CTNS: variants seen among roughly 807,000 people sequenced by gnomAD.
The protein encoded by CTNS is cystinosin.
In CTNS, 27 loss-of-function variants were observed where a neutral mutation model predicts 43.7. The ratio of observed to expected loss-of-function variants is 0.62; its 90% CI spans 0.46 to 0.85. The LOEUF (loss-of-function observed/expected upper bound fraction) is 0.85, where lower values mean the gene tolerates loss of function less well. CTNS is among the 40% of genes least tolerant of loss of function. The probability of loss-of-function intolerance (pLI) is 0.00; values close to 1 mark genes in which losing one functional copy is unlikely to be tolerated. For synonymous variants in CTNS, 187 were observed against 190.6 expected (o/e 0.98, Z 0.16); for missense variants, 457 against 475.4 (o/e 0.96, Z 0.36).
intron 3 of CTNS, among the ~76,000 whole-genome samples, chr17:3,641,454 C>G (rs1423556444): frequency 8.0e-6 from 1 of 125,322 alleles, no homozygotes; most frequent in Admixed American, 1.0e-4. Flanking sequence ...TGCAGTGGCA[C>G]GATCTCAGCC....
In CTNS at chr17:3,660,263, CA is replaced by C. The variant is rs2142982656; in HGVS notation, c.1000del (p.Thr334ProfsTer33). On this transcript the variant is annotated frameshift_variant, in exon 12 of 12. Transcript: ENST00000046640. LOFTEE classifies it high-confidence loss of function. The stretch of plus-strand genomic sequence containing the variant: ...CAGTGGACGCTGATCTTCGGAGACC[CA>C]ACCAAGTTTGGACTCGGGGTCTTCT... Reference protein sequence around the residue: ...NDQWTLIFGDPTKFGLGVFSI... With the variant: ...NDQWTLIFGDXTKFGLGVFSI... 6.2e-7 allele frequency: 1 copy of C among 1,614,270 alleles called. No individual in the cohort carries two copies. Among genetic ancestry groups the C allele is most frequent in the South Asian group, 1.1e-5 (1 of 91,088 alleles).
chr17:3,652,320 G>A (rs1348460941), intron 5 of CTNS, among the ~76,000 whole-genome samples: 7 of 152,146 alleles, frequency 4.6e-5, no homozygotes, highest in Admixed American at 1.3e-4. Flanking sequence ...GACTGGGCAC[G>A]GTGGCTCATG....
intron 5 of CTNS, among the ~76,000 whole-genome samples, chr17:3,652,218 C>T (rs966300419): frequency 6.6e-6 from 1 of 152,176 alleles, no homozygotes; most frequent in Non-Finnish European, 1.5e-5. Flanking sequence ...AATATAGCAC[C>T]GTCTCCTTAT....
rs2075878675 is a variant in CTNS, at chr17:3,647,746, AG to A, written c.140+228del. 3 of 607,898 alleles carry A rather than the reference AG, an allele frequency of 4.9e-6. No homozygotes were observed. The East Asian group carries it at 8.4e-5, about 17-fold the overall frequency. 37.7% of individuals were successfully genotyped at this position (607,898 alleles called of 1,614,324 possible). On this transcript the variant is annotated intron_variant, in intron 4 of 11. Coordinates refer to ENST00000046640, the MANE Select transcript of CTNS (RefSeq NM_004937.3). The stretch of plus-strand genomic sequence containing the variant: ...CTCACTTTCCCTGGCAGGAGAAGGA[AG>A]GGGTGCTTCTCCCAGAGACGTGCGT...
intron 4 of CTNS, among the ~76,000 whole-genome samples, chr17:3,648,593 A>C (rs1597623200): frequency 6.6e-6 from 1 of 152,122 alleles, no homozygotes; most frequent in Non-Finnish European, 1.5e-5. Context: ...CAGATGCCTC[A>C]TTTGTCATTC....
upstream of CTNS, chr17:3,636,706 C>G (rs965934495): frequency 6.4e-6 from 1 of 155,482 alleles, no homozygotes; most frequent in African/African-American, 2.4e-5. Flanking sequence ...TGGCGGAGGT[C>G]AGGTGACAGC....
rs1231310557 is a variant in CTNS, at chr17:3,662,148, T to TA, written c.*1782dup. Among the ~76,000 whole-genome samples, 1 of 152,066 alleles carries TA rather than the reference T, an allele frequency of 6.6e-6. No homozygotes were observed. Among genetic ancestry groups the TA allele is most frequent in the African/African-American group, 2.4e-5 (1 of 41,406 alleles). On this transcript the variant is annotated 3_prime_UTR_variant, in exon 12 of 12. Coordinates refer to ENST00000046640, the MANE Select transcript of CTNS (RefSeq NM_004937.3). ...CAACATTGCAAAACCCCATCTCTACTAAAGATACAAAAATTAGCTGGGCAT... is the reference window on the plus strand; with the variant it reads ...CAACATTGCAAAACCCCATCTCTACTAAAAGATACAAAAATTAGCTGGGCAT...
chr17:3,654,680 C>CAA (rs560988939), intron 5 of CTNS, among the ~76,000 whole-genome samples: 56 of 82,458 alleles, frequency 6.8e-4, no homozygotes, highest in Admixed American at 3.0e-3. Context: ...GACTCCGTCT[C>CAA]AAAAAAAAAA....
rs561967545 is a variant in CTNS, at chr17:3,662,466, C to T, written c.*2097C>T. 5.3e-5 allele frequency among the ~76,000 whole-genome samples: 8 copies of T among 152,164 alleles called. No homozygotes were observed. The highest frequency in any genetic ancestry group is 1.0e-4 in the Non-Finnish European group (7 of 68,034). ...GGCCAGATCACGGCCCCCAGCAACA[C>T]GTGGGGTTGTGTCCCTCGCTGGGAT... On this transcript the variant is annotated 3_prime_UTR_variant, in exon 12 of 12. Transcript: ENST00000046640.
rs576881909 is a variant in CTNS, at chr17:3,662,404, C to T, written c.*2035C>T. 5.3e-5 allele frequency among the ~76,000 whole-genome samples: 8 copies of T among 152,114 alleles called. No homozygotes were observed. Among genetic ancestry groups the T allele is most frequent in the Non-Finnish European group, 8.8e-5 (6 of 68,026 alleles). On this transcript the variant is annotated 3_prime_UTR_variant, in exon 12 of 12. Coordinates refer to ENST00000046640, the MANE Select transcript of CTNS (RefSeq NM_004937.3). ...TGCTAACACCTTCCCAGAGGTGGTA[C>T]GCAGGTAGTCAGGTGCTCTCTGACT...
In CTNS at chr17:3,648,505, C is replaced by T. The variant is rs148485655; in HGVS notation, c.141-342C>T. Among the ~76,000 whole-genome samples the T allele has an allele frequency of 2.6e-4, 40 of 152,356 alleles. 1 individual carries two copies. In the East Asian group the frequency reaches 7.7e-3, roughly 29 times the overall value. ...CTCCTCCTTCAGTCAAATGCTGGCC[C>T]TCACACAAGGCCCCACTCAGACCCG... On this transcript the variant is annotated intron_variant, in intron 4 of 11. Coordinates refer to ENST00000046640, the MANE Select transcript of CTNS (RefSeq NM_004937.3).
chr17:3,656,138 CCCTGG>C (rs1371769788), intron 7 of CTNS, among the ~76,000 whole-genome samples: 4 of 119,400 alleles, frequency 3.4e-5, no homozygotes, highest in Non-Finnish European at 7.4e-5. Flanking sequence ...CAGTCCTCGC[CCCTGG>C]CCCTGCCATG....
intron 2 of CTNS, among the ~76,000 whole-genome samples, chr17:3,637,955 C>A (rs572648480): frequency 6.6e-6 from 1 of 152,256 alleles, no homozygotes; most frequent in South Asian, 2.1e-4. Context: ...GCAGGAGACC[C>A]AGGGAGTTCC....
At chr17:3,651,456 C>T (rs2075981301) in intron 5 of CTNS, among the ~76,000 whole-genome samples, 1 of 152,114 alleles carries the variant, frequency 6.6e-6, no homozygotes, top group Admixed American at 6.6e-5. Context: ...GTCCTTGAAC[C>T]TGAAGCACAA....
In CTNS at chr17:3,655,114, CAG is replaced by C. The variant is rs1567709496; in HGVS notation, c.329+14_329+15del. 3.7e-6 allele frequency: 6 copies of C among 1,613,826 alleles called. No individual in the cohort carries two copies. The highest frequency in any genetic ancestry group is 1.7e-5 in the Admixed American group (1 of 60,018). The stretch of plus-strand genomic sequence containing the variant: ...CCAATCAGACCGGGTAGGCTGGCCT[CAG>C]GGTGTGCGGGCCTCACGTGACAAGA... On this transcript the variant is annotated intron_variant, in intron 6 of 11. Coordinates refer to ENST00000046640, the MANE Select transcript of CTNS (RefSeq NM_004937.3).
At chr17:3,657,766 G>A (rs1259056492) in intron 9 of CTNS, 6 of 580,060 alleles carry the variant, frequency 1.0e-5, no homozygotes, top group Admixed American at 3.0e-5. Context: ...AGGCCCTGGC[G>A]ATGAGAAGGT....
chr17:3,642,063 G>A (rs1411079143), intron 3 of CTNS, among the ~76,000 whole-genome samples: 3 of 49,808 alleles, frequency 6.0e-5, no homozygotes, highest in Non-Finnish European at 9.6e-5. Flanking sequence ...GTGTACCCGG[G>A]CGTGTGTGTG....
intron 5 of CTNS, among the ~76,000 whole-genome samples, chr17:3,653,301 T>C (rs563562212): frequency 2.9e-3 from 441 of 152,256 alleles, no homozygotes; most frequent in Admixed American, 4.4e-3. Flanking sequence ...TAATCCCAAC[T>C]ACTCAGGAGG....
At position 3,660,856 on chromosome 17, in the gene CTNS, T is replaced by TA; in HGVS notation, c.*488dup. ...GGTGGACGGGCTAGGACTTTGGGGTTAGGCCATGGGGCTCTTTCTCTGAAG... is the reference window on the plus strand; with the variant it reads ...GGTGGACGGGCTAGGACTTTGGGGTTAAGGCCATGGGGCTCTTTCTCTGAAG... On this transcript the variant is annotated 3_prime_UTR_variant, in exon 12 of 12. Transcript: ENST00000046640. 6.8e-7 allele frequency: 1 copy of TA among 1,467,482 alleles called. No individual in the cohort carries two copies. The highest frequency in any genetic ancestry group is 9.3e-7 in the Non-Finnish European group (1 of 1,077,530). 90.9% of individuals were successfully genotyped at this position (1,467,482 alleles called of 1,614,324 possible).
Sources: gnomAD v4.1 joint callset for allele counts (sites outside exome capture counted in the v4.1 genomes callset) on GRCh38, gnomAD v4.1.1 for gene constraint, MANE v1.5 for transcripts, NCBI Gene and HGNC (gene_info 2026-07-23, HGNC 2026-07-21) for gene names.